Variants in SSH2 observed in about 807,000 individuals in gnomAD.
The protein encoded by SSH2 is slingshot protein phosphatase 2.
SSH2 carries 37 observed loss-of-function variants against 135.2 expected under a neutral mutation model. The ratio of observed to expected loss-of-function variants is 0.27; its 90% CI spans 0.21 to 0.36. The LOEUF is 0.36. Ranked by LOEUF, SSH2 falls within the 10% of genes least tolerant of loss-of-function variation. The pLI is 1.00. For missense variants in SSH2, 1,408 were observed against 1,765.3 expected, an observed-to-expected ratio of 0.80 and a Z score of 3.63; for synonymous variants, 628 against 646.2, an observed-to-expected ratio of 0.97 and a Z score of 0.43.
At chr17:29,751,218 C>T (rs1254249576) in intron 3 of SSH2, among the ~76,000 whole-genome samples, 1 of 152,138 alleles carries the variant, frequency 6.6e-6, no homozygotes, top group African/African-American at 2.4e-5. Flanking sequence ...GAGTTCGAGA[C>T]CAGCCTGATC....
Position 29,631,033 on chromosome 17 carries a change from C to T in SSH2, c.4161G>A (p.Arg1387=), listed in dbSNP as rs142238493. 6.7e-4 allele frequency: 1,079 copies of T among 1,614,140 alleles called. No homozygotes were observed. The highest frequency in any genetic ancestry group is 1.1e-3 in the Admixed American group (64 of 60,018). ...FGSSQQYLLP[R]AGLELTSSEG... is the part of the protein sequence containing the mutation. ...CAGAACTAGTCAATTCAAGTCCTGC[C>T]CTGGGGAGCAAATACTGCTGACTAG... Residue 1387 remains arginine, a synonymous_variant, in exon 16 of 16, where the codon AGG becomes AGA. Transcript: ENST00000540801.
intron 2 of SSH2, among the ~76,000 whole-genome samples, chr17:29,836,296 C>T (rs911909936): frequency 1.3e-5 from 2 of 152,080 alleles, no homozygotes; most frequent in African/African-American, 2.4e-5. Flanking sequence ...AATGATAAAT[C>T]TTATCATCGT....
chr17:29,731,513 T>C (rs2040198038), intron 3 of SSH2, among the ~76,000 whole-genome samples: 1 of 152,112 alleles, frequency 6.6e-6, no homozygotes, highest in Admixed American at 6.5e-5. Flanking sequence ...TGGAGTGCAG[T>C]GGCACGATCT....
At chr17:29,693,616 A>G (rs1446654747) in intron 5 of SSH2, among the ~76,000 whole-genome samples, 1 of 152,096 alleles carries the variant, frequency 6.6e-6, no homozygotes, top group African/African-American at 2.4e-5. Context: ...CTGGCCTTAG[A>G]TAATTATTTA....
chr17:29,706,482 T>C (rs559740962), intron 3 of SSH2, among the ~76,000 whole-genome samples: 8 of 152,202 alleles, frequency 5.3e-5, no homozygotes, highest in Non-Finnish European at 8.8e-5. Context: ...GCCTTCTCTC[T>C]TGTTACAACC....
intron 5 of SSH2, among the ~76,000 whole-genome samples, chr17:29,694,680 T>A (rs998928988): frequency 1.3e-5 from 2 of 152,052 alleles, no homozygotes; most frequent in African/African-American, 4.8e-5. Flanking sequence ...CAAAGAGGAT[T>A]ATGGTAAATT....
At chr17:29,894,185 A>C (rs1273900264) in intron 1 of SSH2, among the ~76,000 whole-genome samples, 1 of 152,132 alleles carries the variant, frequency 6.6e-6, no homozygotes, top group Non-Finnish European at 1.5e-5. Context: ...AATAATTCCT[A>C]AGTACTAAAT....
At chr17:29,682,665 A>G (rs2038034973) in intron 6 of SSH2, among the ~76,000 whole-genome samples, 2 of 151,992 alleles carry the variant, frequency 1.3e-5, no homozygotes, top group African/African-American at 2.4e-5. Context: ...TGAAAGAAGG[A>G]AGGAAGGCAG....
At chr17:29,730,817 C>T (rs571294692) in intron 3 of SSH2, among the ~76,000 whole-genome samples, 1 of 152,140 alleles carries the variant, frequency 6.6e-6, no homozygotes, top group East Asian at 1.9e-4. Flanking sequence ...ACTATGTACC[C>T]ACACAAGTTG....
intron 3 of SSH2, among the ~76,000 whole-genome samples, chr17:29,790,645 A>T (rs950674680): frequency 1.3e-5 from 2 of 151,708 alleles, no homozygotes; most frequent in Admixed American, 1.3e-4. Context: ...TGAAATTTTG[A>T]TGTAGTCTAA....
chr17:29,664,305 G>A (rs954058054), intron 11 of SSH2, among the ~76,000 whole-genome samples: 6 of 151,750 alleles, frequency 4.0e-5, no homozygotes, highest in Non-Finnish European at 7.4e-5. Flanking sequence ...CCTGGGAGGT[G>A]GAGGTTGCAG....
chr17:29,636,249 G>A lies in SSH2; in HGVS notation c.1981C>T (p.Pro661Ser). Residue 661 changes from proline (P) to serine (S), a missense_variant, in exon 15 of 16, where the codon CCC (proline) becomes TCC (serine). Pro to Ser is a moderately conservative substitution (Grantham distance 74). Coordinates refer to ENST00000540801, the MANE Select transcript of SSH2 (RefSeq NM_001282129.2). The part of the protein sequence containing the change: ...PMSPDPESPS[P>S]QPSCQTEISD... The stretch of plus-strand genomic sequence containing the variant: ...ATTTCAGTCTGGCAACTGGGTTGGG[G>A]GCTTGGTGACTCAGGATCAGGGGAC... 2 of 1,614,106 alleles carry A rather than the reference G, an allele frequency of 1.2e-6. No individual in the cohort carries two copies. The highest frequency in any genetic ancestry group is 1.7e-6 in the Non-Finnish European group (2 of 1,180,038).
intron 2 of SSH2, among the ~76,000 whole-genome samples, chr17:29,804,843 CTTTTTT>C (rs531310094): frequency 3.0e-5 from 3 of 98,998 alleles, no homozygotes; most frequent in East Asian, 2.8e-4. Context: ...CCACATCTGG[CTTTTTT>C]TTTTTTTTTT....
At position 29,632,606 on chromosome 17, in the gene SSH2, G is replaced by T; in HGVS notation, c.2588C>A (p.Ala863Glu). ...AGCTGGTTCCCCTTCTTCCAAGTCTGCTATAGATGAGTGTGTGGTTAGGCA... is the reference window on the plus strand; with the variant it reads ...AGCTGGTTCCCCTTCTTCCAAGTCTTCTATAGATGAGTGTGTGGTTAGGCA... The part of the protein sequence containing the change: ...EGCLTTHSSI[A>E]DLEEGEPAEG... Residue 863 changes from alanine (A) to glutamate (E), a missense_variant, in exon 16 of 16, where the codon GCA becomes GAA. Physicochemically the swap from Ala to Glu is moderately radical, Grantham distance 107 (BLOSUM62 -1). This residue lies in a region of SSH2 where 1,080 missense variants were observed against 1,144.5 expected (regional missense o/e 0.94). Coordinates refer to ENST00000540801, the MANE Select transcript of SSH2 (RefSeq NM_001282129.2). The T allele has an allele frequency of 6.2e-7, 1 of 1,614,172 alleles. No individual in the cohort carries two copies. Among genetic ancestry groups the T allele is most frequent in the South Asian group, 1.1e-5 (1 of 91,082 alleles).
chr17:29,676,471 C>T (rs1175867724), intron 8 of SSH2: 5 of 190,388 alleles, frequency 2.6e-5, no homozygotes, highest in Non-Finnish European at 5.4e-5. Context: ...ATAGCTAATG[C>T]ATAGCAATGT....
At chr17:29,683,973 T>A (rs949434547) in intron 6 of SSH2, among the ~76,000 whole-genome samples, 12 of 152,102 alleles carry the variant, frequency 7.9e-5, no homozygotes, top group Non-Finnish European at 1.5e-4. Flanking sequence ...AAGGCAGCTT[T>A]TTTTCCATGG....
intron 1 of SSH2, among the ~76,000 whole-genome samples, chr17:29,928,745 C>A (rs1314713899): frequency 6.6e-6 from 1 of 152,154 alleles, no homozygotes; most frequent in Non-Finnish European, 1.5e-5. Context: ...AAATGACAAG[C>A]CAGCAAATTT....
intron 1 of SSH2, among the ~76,000 whole-genome samples, chr17:29,893,870 A>G (rs1435533948): frequency 6.6e-6 from 1 of 152,168 alleles, no homozygotes; most frequent in African/African-American, 2.4e-5. Context: ...ATCTTAAATA[A>G]CAAATTGAGT....
chr17:29,636,883 A>G (rs2035936899), intron 14 of SSH2, 81 bp from the exon 15 acceptor site: 1 of 988,502 alleles, frequency 1.0e-6, no homozygotes, highest in Non-Finnish European at 1.5e-6. Flanking sequence ...ACTCCCAGAT[A>G]AATCTTAACT....
Sources: allele counts gnomAD v4.1 joint callset (sites outside exome capture counted in the v4.1 genomes callset), GRCh38; gene constraint gnomAD v4.1.1; regional missense constraint gnomAD v4.1.1; transcripts MANE v1.5; gene names NCBI Gene and HGNC (gene_info 2026-07-23, HGNC 2026-07-21).